ITIH6: variants seen among roughly 807,000 people sequenced by gnomAD.
The protein encoded by ITIH6 is inter-alpha-trypsin inhibitor heavy chain family member 6.
A neutral mutation model predicts 58.2 loss-of-function variants in ITIH6; 60 were observed. The observed-to-expected ratio is 1.03, with a 90% CI of 0.84 to 1.28. The LOEUF (loss-of-function observed/expected upper bound fraction) is 1.28. Among genes scored for constraint, ITIH6 ranks in the 50% most tolerant of loss-of-function variants. ITIH6 has a pLI of 0.00. For synonymous variants in ITIH6, 493 were observed against 417.4 expected (o/e 1.18, Z -2.21); for missense variants, 1,290 against 1,021.1 (o/e 1.26, Z -3.59).
rs149204090 is a variant in ITIH6 at position 54,757,812 on chromosome X, C to T, written c.2262G>A (p.Thr754=). The T allele has an allele frequency of 4.5e-5, 54 of 1,208,910 alleles. No individual in the cohort carries two copies. The highest frequency in any genetic ancestry group is 1.8e-4 in the East Asian group (6 of 33,716). Residue 754 remains threonine (T), a synonymous_variant, in exon 8 of 13, where the codon ACG becomes ACA. Transcript: ENST00000218436. ...CAGGTGGGACTTGTGTCCTGGAGTT[C>T]GTGGGTAATATATCAGGATTCTGGT... ...LSHQNPDILP[T]NSRTQVPPVK...
chrX:54,774,315 C>G, intron 5 of ITIH6, 118 bp from the exon 6 acceptor site: 1 of 362,068 alleles, frequency 2.8e-6, no homozygotes, highest in Non-Finnish European at 4.9e-6. Context: ...GGACTTCTCA[C>G]TGTTTCTAAA....
rs184772252 is a variant in ITIH6, at chrX:54,798,126, C to T, written c.85G>A (p.Ala29Thr). The T allele has an allele frequency of 1.3e-4, 150 of 1,183,299 alleles. 1 individual carries two copies. Among genetic ancestry groups the T allele is most frequent in the Middle Eastern group, 7.0e-4 (3 of 4,294 alleles). Residue 29 changes from alanine (A) to threonine (T), a missense_variant, in exon 1 of 13, where the codon GCT becomes ACT. Transcript: ENST00000218436. ...GAACTGACCTTTGTGCTTGATGAAG[C>T]GGGGACAGGGGGTCCCTGGTATGTC... Reference protein sequence around the residue: ...ELTYQGPPVPASSSTKLLMTS... With the variant: ...ELTYQGPPVPTSSSTKLLMTS...
intron 5 of ITIH6, among the ~76,000 whole-genome samples, 183 bp downstream of exon 5, chrX:54,788,297 C>A (rs1160494125): frequency 9.0e-6 from 1 of 111,626 alleles, no homozygotes; most frequent in Non-Finnish European, 1.9e-5. Context: ...GGTCTCCAAC[C>A]CTTTGGGGGA....
Position 54,758,643 on chromosome X carries a change from C to A in ITIH6, c.1431G>T (p.Val477=). 6 of 1,211,690 alleles carry A rather than the reference C, an allele frequency of 5.0e-6. No individual in the cohort carries two copies. The highest frequency in any genetic ancestry group is 6.7e-6 in the Non-Finnish European group (6 of 895,442). The stretch of plus-strand genomic sequence containing the variant: ...CCAAGCCACCCAGGTAGTTCAGACG[C>A]ACATCTGCCAGCAGAGGCATGGAGA... ...EEISMPLLAD[V]RLNYLGGLVG... The change falls in exon 8 of 13, where the codon GTG becomes GTT. Residue 477 remains valine, a synonymous_variant. Coordinates refer to ENST00000218436, the MANE Select transcript of ITIH6 (RefSeq NM_198510.3).
intron 5 of ITIH6, among the ~76,000 whole-genome samples, chrX:54,778,690 A>G (rs1170758054): frequency 9.0e-6 from 1 of 111,710 alleles, no homozygotes; most frequent in Non-Finnish European, 1.9e-5. Context: ...ATGAGGAGAT[A>G]GAGAAAGAGA....
rs767501175 is a variant in ITIH6, at chrX:54,762,238, TTGTC to T, written c.904-2315_904-2312del. 4.5e-3 allele frequency among the ~76,000 whole-genome samples: 498 copies of T among 111,717 alleles called. 3 individuals are homozygous for T. Among genetic ancestry groups the T allele is most frequent in the African/African-American group, 0.016 (481 of 30,738 alleles). On this transcript the variant is annotated intron_variant, in intron 6 of 12. Transcript: ENST00000218436. The stretch of plus-strand genomic sequence containing the variant: ...GTTCACTCATGATTTGGCTCTCTGT[TTGTC>T]TGTTATTGGTGTATAAGAATGCTTG...
intron 6 of ITIH6, among the ~76,000 whole-genome samples, chrX:54,773,143 G>A (rs1252136774): frequency 2.7e-5 from 3 of 111,760 alleles, no homozygotes; most frequent in Non-Finnish European, 3.8e-5. Flanking sequence ...CGTTATTGCC[G>A]AGGAGCCCAG....
In ITIH6 at chrX:54,785,938, C is replaced by T. The variant is rs897470238; in HGVS notation, c.786+2542G>A. ...TGACCTCCCTTTGTCACTTGGCTTC[C>T]ACCACAGAACCCCTATCAATCACTC... is the stretch of plus-strand genomic sequence containing the variant. On this transcript the variant is annotated intron_variant, in intron 5 of 12. Transcript: ENST00000218436. 1.8e-3 allele frequency among the ~76,000 whole-genome samples: 200 copies of T among 111,219 alleles called. 1 individual carries two copies. Among genetic ancestry groups the T allele is most frequent in the Non-Finnish European group, 5.7e-4 (30 of 52,992 alleles).
intron 5 of ITIH6, 151 bp downstream of exon 5, chrX:54,788,329 G>T: frequency 2.1e-6 from 1 of 466,328 alleles, no homozygotes; most frequent in Non-Finnish European, 3.6e-6. Flanking sequence ...TCCCAAAGTT[G>T]AAGCCGTGTG....
intron 12 of ITIH6, among the ~76,000 whole-genome samples, chrX:54,750,728 C>T (rs1928334890): frequency 9.0e-6 from 1 of 111,587 alleles, no homozygotes; most frequent in Admixed American, 9.5e-5. Flanking sequence ...GTGTGTCTAC[C>T]TCCTCCAGGA....
At chrX:54,765,868 A>G (rs5961134) in intron 6 of ITIH6, among the ~76,000 whole-genome samples, 53,721 of 108,233 alleles carry the variant, frequency 0.5, 11,562 homozygotes, top group African/African-American at 0.81. Context: ...TTGACTTGGC[A>G]ATGCGGGCTC....
chrX:54,768,161 C>G lies in ITIH6; in HGVS notation c.903+5920G>C, dbSNP rs1240380871. On this transcript the variant is annotated intron_variant, in intron 6 of 12. Coordinates refer to ENST00000218436, the MANE Select transcript of ITIH6 (RefSeq NM_198510.3). ...CATTATGTAATGGCCTTCTTTGTCT[C>G]TTTTGATCTTTGTTGGTTTAAAGTC... 1.7e-4 allele frequency among the ~76,000 whole-genome samples: 9 copies of G among 53,107 alleles called. No individual in the cohort carries two copies. The Admixed American group carries it at 2.3e-3, about 14-fold the overall frequency. 46.1% of individuals were successfully genotyped at this position (53,107 alleles called of 115,157 possible).
Position 54,757,348 on chromosome X carries a change from G to A in ITIH6, c.2726C>T (p.Ser909Leu), listed in dbSNP as rs201881606. The change falls in exon 8 of 13, where the codon TCA becomes TTA. Residue 909 changes from serine to leucine, a missense_variant. By Grantham distance (145) the Ser-to-Leu change is moderately radical. Coordinates refer to ENST00000218436, the MANE Select transcript of ITIH6 (RefSeq NM_198510.3). ...ESLSTFPNTI[S>L]SSTGPSSTTT... ...GGTACTGCTGGGACCTGTGGAACTTGAGATTGTATTTGGGAATGTGCTTAG... is the reference window on the plus strand; with the variant it reads ...GGTACTGCTGGGACCTGTGGAACTTAAGATTGTATTTGGGAATGTGCTTAG... The A allele has an allele frequency of 1.0e-4, 122 of 1,203,241 alleles. No homozygotes were observed. Among genetic ancestry groups the A allele is most frequent in the Middle Eastern group, 6.9e-4 (3 of 4,336 alleles).
rs181198121 is a variant in ITIH6, at chrX:54,770,154, C to G, written c.903+3927G>C. On this transcript the variant is annotated intron_variant, in intron 6 of 12. Transcript: ENST00000218436. ...GTGACCCGATTTTTCAGGTGCGTCC[C>G]TCACCCCTTTCTTTGACTCGGAAAG... Among the ~76,000 whole-genome samples, 341 of 112,559 alleles carry G rather than the reference C, an allele frequency of 3.0e-3. 5 individuals carry two copies. The East Asian group carries it at 0.073, about 24-fold the overall frequency.
intron 6 of ITIH6, among the ~76,000 whole-genome samples, chrX:54,766,971 T>C (rs1322927563): frequency 8.1e-4 from 89 of 109,456 alleles, no homozygotes; most frequent in African/African-American, 2.8e-3. Flanking sequence ...ATGGTACCAG[T>C]TCCTCCTTGT....
In ITIH6 at chrX:54,774,107, A is replaced by T; in HGVS notation, c.877T>A (p.Ser293Thr). 5.1e-6 allele frequency: 6 copies of T among 1,181,230 alleles called. No individual in the cohort carries two copies. Among genetic ancestry groups the T allele is most frequent in the Non-Finnish European group, 6.9e-6 (6 of 875,138 alleles). ...TGTTCCATCTTGGTACCAAACATGG[A>T]GCTGCTTACGTCAATAACAAAAACC... ...NVVFVIDVSSSMFGTKMEQTK... is the reference protein window; with the variant it reads ...NVVFVIDVSSTMFGTKMEQTK... Residue 293 changes from serine to threonine, a missense_variant, in exon 6 of 13, where the codon TCC (serine) becomes ACC (threonine). By Grantham distance (58) the Ser-to-Thr change is moderately conservative. Transcript: ENST00000218436.
rs1340689598 is a variant in ITIH6, at chrX:54,788,472, C to T, written c.786+8G>A. 1.7e-6 allele frequency: 2 copies of T among 1,205,302 alleles called. No homozygotes were observed. Among genetic ancestry groups the T allele is most frequent in the African/African-American group, 3.5e-5 (2 of 56,986 alleles). The stretch of plus-strand genomic sequence containing the variant: ...CCATCCTCTCTCCTCTTCCCCAGGC[C>T]CCCTCACCTGCACGTCTCCAATGAT... On this transcript the variant is annotated splice_region_variant and intron_variant, in intron 5 of 12. Transcript: ENST00000218436.
At chrX:54,760,937 C>T (rs1394575191) in intron 6 of ITIH6, among the ~76,000 whole-genome samples, 1 of 111,605 alleles carries the variant, frequency 9.0e-6, no homozygotes, top group Non-Finnish European at 1.9e-5. Context: ...ATTTATAATC[C>T]TTTGGGTATA....
intron 5 of ITIH6, chrX:54,787,110 A>T (rs1211129871): frequency 2.7e-5 from 3 of 111,636 alleles, no homozygotes; most frequent in African/African-American, 9.8e-5. Flanking sequence ...GCAGAGGCAT[A>T]CCTCCATGAG....
Sources: gnomAD v4.1 joint callset for allele counts (sites outside exome capture counted in the v4.1 genomes callset) on GRCh38, gnomAD v4.1.1 for gene constraint, MANE v1.5 for transcripts, NCBI Gene and HGNC (gene_info 2026-07-23, HGNC 2026-07-21) for gene names.